ANKRD24: variants seen among roughly 807,000 people sequenced by gnomAD.
ANKRD24 encodes the protein ankyrin repeat domain 24.
A neutral mutation model predicts 127.8 loss-of-function variants in ANKRD24; 109 were observed. The ratio of observed to expected loss-of-function variants is 0.85; its 90% CI spans 0.73 to 1.00. The LOEUF (loss-of-function observed/expected upper bound fraction) is 1.00. ANKRD24 is among the 50% of genes least tolerant of loss of function. The pLI, the probability that ANKRD24 is intolerant of heterozygous loss-of-function variation, is 0.00. For synonymous variants in ANKRD24, 743 were observed against 671.1 expected (o/e 1.11, Z -1.66); for missense variants, 1,648 against 1,570.2 (o/e 1.05, Z -0.84).
Position 4,199,733 on chromosome 19 carries a change from C to A in ANKRD24, c.87C>A (p.Cys29Ter). Residue 29 changes from cysteine (C) to a stop codon, truncating the protein, a stop_gained, in exon 3 of 22, where the codon TGC becomes TGA. Coordinates refer to ENST00000318934, the MANE Select transcript of ANKRD24 (RefSeq NM_001393985.1). LOFTEE classifies it high-confidence loss of function. This position sits in a 1 kb window ranked among gnomAD's most constrained non-coding sequence, Gnocchi z 5.2. The part of the protein sequence containing the change: ...DLGSCPPCGP[C>*]PIPKPAARGR... ...GCTCCTGCCCGCCCTGCGGCCCCTG[C>A]CCCATCCCGAAGCCGGCAGCCAGAG... is the stretch of plus-strand genomic sequence containing the variant. The A allele has an allele frequency of 2.0e-6, 3 of 1,538,328 alleles. No individual in the cohort carries two copies. The highest frequency in any genetic ancestry group is 2.6e-6 in the Non-Finnish European group (3 of 1,144,824).
rs1970035178 is a variant in ANKRD24 at position 4,215,910 on chromosome 19, G to A, written c.1198-68G>A. On this transcript the variant is annotated intron_variant, in intron 15 of 21. Coordinates refer to ENST00000318934, the MANE Select transcript of ANKRD24 (RefSeq NM_001393985.1). The stretch of plus-strand genomic sequence containing the variant: ...TATGTGAACAGCCCAGTCCCCACTG[G>A]AGTCTTGGTGGGGACACACGGGGGC... 5 of 1,265,808 alleles carry A rather than the reference G, an allele frequency of 4.0e-6. No homozygotes were observed. In the South Asian group the frequency reaches 6.6e-5, roughly 17 times the overall value. The allele number at this position is 1,265,808 out of a possible 1,614,324, so 78.4% of individuals were successfully genotyped here. A position where few individuals can be genotyped will look rare whatever the true frequency, so the allele number is the denominator to read the frequency against.
intron 10 of ANKRD24, 143 bp downstream of exon 10, chr19:4,208,111 C>T (rs1568330270): frequency 4.4e-6 from 4 of 913,060 alleles, no homozygotes; most frequent in Admixed American, 7.3e-5. Flanking sequence ...CTACTCAGAA[C>T]AGTTTCAAGG....
Position 4,216,883 on chromosome 19 carries a change from A to G in ANKRD24, c.1723A>G (p.Arg575Gly). The stretch of plus-strand genomic sequence containing the variant: ...TGCAGGAGATGAAACCATGGAAGCC[A>G]GGACTATGGAAGCTGAGGCCACGGG... ...EAAGDETMEARTMEAEATGAE... is the reference protein window; with the variant it reads ...EAAGDETMEAGTMEAEATGAE... Residue 575 changes from arginine to glycine, a missense_variant, in exon 18 of 22, where the codon AGG (arginine) becomes GGG (glycine). Transcript: ENST00000318934. 1 of 1,611,386 alleles carries G rather than the reference A, an allele frequency of 6.2e-7. No homozygotes were observed. Among genetic ancestry groups the G allele is most frequent in the Non-Finnish European group, 8.5e-7 (1 of 1,178,686 alleles).
At position 4,198,183 on chromosome 19, in the gene ANKRD24, C is replaced by T; in HGVS notation, c.37-1500C>T. 1 of 570,550 alleles carries T rather than the reference C, an allele frequency of 1.8e-6. No individual in the cohort carries two copies. The highest frequency in any genetic ancestry group is 3.1e-6 in the Non-Finnish European group (1 of 322,466). The allele number at this position is 570,550 out of a possible 1,614,324, so 35.3% of individuals were successfully genotyped here. On this transcript the variant is annotated intron_variant, in intron 2 of 21. Coordinates refer to ENST00000318934, the MANE Select transcript of ANKRD24 (RefSeq NM_001393985.1). This position sits in a 1 kb window ranked among gnomAD's most constrained non-coding sequence, Gnocchi z 6.1. ...GCTGGTGAGGGAGCCGGGCCCCCGG[C>T]GCCGCGTCCTCCTCATCCTCCAGGC...
At chr19:4,201,495 G>T (rs1307503205) in intron 5 of ANKRD24, among the ~76,000 whole-genome samples, 1 of 152,144 alleles carries the variant, frequency 6.6e-6, no homozygotes, top group Non-Finnish European at 1.5e-5. Flanking sequence ...TGAGGAATAG[G>T]TGGGTGTGGA....
intron 2 of ANKRD24, among the ~76,000 whole-genome samples, chr19:4,187,582 C>T (rs930286059): frequency 6.6e-6 from 1 of 152,170 alleles, no homozygotes; most frequent in Non-Finnish European, 1.5e-5. Context: ...GCTTCTTCCT[C>T]CATTGTCCCC....
At position 4,202,907 on chromosome 19, in the gene ANKRD24, G is replaced by T. The variant is rs760671197; in HGVS notation, c.447G>T (p.Trp149Cys). ...TGGACGTCGTGGACAGCAGCGGGTG[G>T]ACTGCCCTACACCATGCAGGTGGGT... ...CVVDVVDSSGWTALHHAAAGG... is the reference protein window; with the variant it reads ...CVVDVVDSSGCTALHHAAAGG... Residue 149 changes from tryptophan to cysteine, a missense_variant, in exon 7 of 22, where the codon TGG becomes TGT. Transcript: ENST00000318934. 6.3e-7 allele frequency: 1 copy of T among 1,585,140 alleles called. No individual in the cohort carries two copies. Among genetic ancestry groups the T allele is most frequent in the Non-Finnish European group, 8.6e-7 (1 of 1,166,172 alleles).
At chr19:4,204,706 G>C (rs964062123) in intron 7 of ANKRD24, among the ~76,000 whole-genome samples, 3 of 152,172 alleles carry the variant, frequency 2.0e-5, no homozygotes, top group African/African-American at 7.2e-5. Flanking sequence ...CTGTTCTTTC[G>C]GAAACTCAGA....
In ANKRD24 at chr19:4,217,801, GCTGAGGCCCGAGTGGCTGAGCTGC is replaced by G. The variant is rs1282683154; in HGVS notation, c.2645_2668del (p.Glu882_Pro889del). On this transcript the variant is annotated inframe_deletion, in exon 18 of 22. Transcript: ENST00000318934. ...GGAACTGGGCCGGGCACGGGACGCC[GCTGAGGCCCGAGTGGCTGAGCTGC>G]CTGCGGCCTGCGAGGAGGCGCGGCA... The G allele has an allele frequency of 4.4e-6, 6 of 1,361,908 alleles. No homozygotes were observed. The highest frequency in any genetic ancestry group is 5.6e-6 in the Non-Finnish European group (6 of 1,062,558). The allele number at this position is 1,361,908 out of a possible 1,614,324, so 84.4% of individuals were successfully genotyped here. A position where few individuals can be genotyped will look rare whatever the true frequency, so the allele number is the denominator to read the frequency against.
chr19:4,193,297 C>CAAA (rs71166975), intron 2 of ANKRD24, among the ~76,000 whole-genome samples: 32,519 of 90,254 alleles, frequency 0.36, 6,493 homozygotes, highest in Middle Eastern at 0.42. Context: ...GCGACTCCAT[C>CAAA]AAAAAAAAAA....
At chr19:4,208,385 G>A (rs1173404992) in intron 10 of ANKRD24, among the ~76,000 whole-genome samples, 3 of 152,086 alleles carry the variant, frequency 2.0e-5, no homozygotes, top group Non-Finnish European at 4.4e-5. Flanking sequence ...CAATTCTCCT[G>A]CCTCACCTTC....
intron 13 of ANKRD24, 116 bp downstream of exon 13, chr19:4,210,488 T>A: frequency 1.0e-6 from 1 of 959,450 alleles, no homozygotes; most frequent in Non-Finnish European, 1.5e-6. Context: ...CTCCCCACCC[T>A]GCTGCAGCCA....
intron 7 of ANKRD24, among the ~76,000 whole-genome samples, chr19:4,205,226 C>T (rs1201676001): frequency 1.3e-5 from 2 of 152,058 alleles, no homozygotes; most frequent in African/African-American, 4.8e-5. Flanking sequence ...CAGAGCGAGA[C>T]CCCATCTCAA....
chr19:4,212,790 A>G, intron 15 of ANKRD24, 92 bp downstream of exon 15: 1 of 1,164,476 alleles, frequency 8.6e-7, no homozygotes, highest in South Asian at 1.5e-5. Context: ...CAGTGCATGC[A>G]CAGCCTCACA....
At chr19:4,191,320 C>CAA (rs1968371971) in intron 2 of ANKRD24, among the ~76,000 whole-genome samples, 1 of 1,692 alleles carries the variant, frequency 5.9e-4, no homozygotes, top group Admixed American at 2.0e-3. Flanking sequence ...GGGCCAGGCC[C>CAA]CCCCCTCCTG....
In ANKRD24 at chr19:4,202,859, C is replaced by G. The variant is rs1969169239; in HGVS notation, c.409-10C>G. The G allele has an allele frequency of 1.3e-6, 2 of 1,584,880 alleles. No homozygotes were observed. The highest frequency in any genetic ancestry group is 1.7e-6 in the Non-Finnish European group (2 of 1,165,820). On this transcript the variant is annotated splice_polypyrimidine_tract_variant and intron_variant, in intron 6 of 21. Transcript: ENST00000318934. ...ATGGCTCCGCCTCAAAGGACTCGCC[C>G]CATCCCCAGGCTTCCTGCGTGGTGG...
chr19:4,217,075 G>A lies in ANKRD24; in HGVS notation c.1915G>A (p.Gly639Arg). 6.2e-7 allele frequency: 1 copy of A among 1,613,810 alleles called. No homozygotes were observed. Among genetic ancestry groups the A allele is most frequent in the Non-Finnish European group, 8.5e-7 (1 of 1,179,878 alleles). The change falls in exon 18 of 22, where the codon GGG (glycine) becomes AGG (arginine). Residue 639 changes from glycine to arginine, a missense_variant. By Grantham distance (125) the Gly-to-Arg change is moderately radical. Coordinates refer to ENST00000318934, the MANE Select transcript of ANKRD24 (RefSeq NM_001393985.1). Reference sequence around the variant, plus strand: ...AGAGACCACGGGAGTGGAGGCCATGGGGGTGGAGGCCACAAAAACAAAAGC... The same window carrying A: ...AGAGACCACGGGAGTGGAGGCCATGAGGGTGGAGGCCACAAAAACAAAAGC... The part of the protein sequence containing the change: ...DTETTGVEAM[G>R]VEATKTKAEE...
Position 4,202,029 on chromosome 19 carries a change from A to G in ANKRD24, c.347A>G (p.Tyr116Cys), listed in dbSNP as rs1347413582. 5.0e-6 allele frequency: 8 copies of G among 1,613,654 alleles called. No individual in the cohort carries two copies. In the Admixed American group the frequency reaches 5.0e-5, roughly 10 times the overall value. ...SNVMSADGAG[Y>C]NALHLAAKYG... ...TAAATCTTCTTTCCTTCCCCAGGTTACAATGCCCTCCACCTGGCCGCCAAA... is the reference window on the plus strand; with the variant it reads ...TAAATCTTCTTTCCTTCCCCAGGTTGCAATGCCCTCCACCTGGCCGCCAAA... The change falls in exon 6 of 22, where the codon TAC becomes TGC. Residue 116 changes from tyrosine (Y) to cysteine (C), a missense_variant. Physicochemically the swap from Tyr to Cys is radical, Grantham distance 194. Transcript: ENST00000318934.
Position 4,216,609 on chromosome 19 carries a change from C to T in ANKRD24, c.1449C>T (p.Val483=). 6.2e-7 allele frequency: 1 copy of T among 1,611,616 alleles called. No individual in the cohort carries two copies. Among genetic ancestry groups the T allele is most frequent in the South Asian group, 1.1e-5 (1 of 90,438 alleles). ...TQMEVEALAE[V]IPLALYDSLR... ...TGGAAGTGGAAGCTTTGGCAGAGGT[C>T]ATCCCTCTTGCCCTCTATGACTCTC... The change falls in exon 18 of 22, where the codon GTC becomes GTT. Residue 483 remains valine (V), a synonymous_variant. Transcript: ENST00000318934.
Sources: allele counts gnomAD v4.1 joint callset (sites outside exome capture counted in the v4.1 genomes callset), GRCh38; gene constraint gnomAD v4.1.1; non-coding constraint Gnocchi (gnomAD v3.1); transcripts MANE v1.5; gene names NCBI Gene and HGNC (gene_info 2026-07-23, HGNC 2026-07-21).